The following RAD51B variants were observed in gnomAD, a reference collection of about 807,000 sequenced individuals.
The protein encoded by RAD51B is RAD51 paralog B, also known as DNA repair protein RAD51 homolog 2.
A neutral mutation model predicts 42.2 loss-of-function variants in RAD51B; 38 were observed. The observed-to-expected ratio is 0.90, with a 90% CI of 0.70 to 1.18. The LOEUF (loss-of-function observed/expected upper bound fraction) is 1.18, where lower values mean the gene tolerates loss of function less well. RAD51B is among the 50% of genes most tolerant of loss of function. RAD51B has a pLI of 0.00. For synonymous variants in RAD51B, 154 were observed against 145.2 expected (o/e 1.06, Z -0.43); for missense variants, 373 against 400.7 (o/e 0.93, Z 0.59).
At chr14:68,259,694 G>A (rs1335414992) in intron 7 of RAD51B, among the ~76,000 whole-genome samples, 2 of 152,124 alleles carry the variant, frequency 1.3e-5, no homozygotes, top group African/African-American at 4.8e-5. Flanking sequence ...CAGATTAAGG[G>A]TCAGCACAGA....
At position 68,415,014 on chromosome 14, in the gene RAD51B, A is replaced by C. The variant is rs951030900; in HGVS notation, c.957+3487A>C. 5.7e-4 allele frequency among the ~76,000 whole-genome samples: 77 copies of C among 135,672 alleles called. 1 individual carries two copies. Among genetic ancestry groups the C allele is most frequent in the African/African-American group, 2.1e-3 (76 of 35,948 alleles). 89.0% of individuals were successfully genotyped at this position (135,672 alleles called of 152,430 possible). On this transcript the variant is annotated intron_variant, in intron 9 of 10. Transcript: ENST00000471583. ...GCCACTGCACTCAAGCCTGGGTGAC[A>C]GAGCAAGACTCTGTCTCAAAAAAAA...
intron 7 of RAD51B, among the ~76,000 whole-genome samples, chr14:67,893,017 G>T (rs530318909): frequency 6.6e-6 from 1 of 152,262 alleles, no homozygotes; most frequent in African/African-American, 2.4e-5. Flanking sequence ...GAATATAACA[G>T]CTTTTGAGTC....
intron 9 of RAD51B, among the ~76,000 whole-genome samples, chr14:68,435,411 T>C (rs542978094): frequency 2.6e-5 from 4 of 152,296 alleles, no homozygotes; most frequent in African/African-American, 7.2e-5. Context: ...CAGTCCACCA[T>C]TGATGGGCAC....
At chr14:68,212,559 C>T (rs2079733358) in intron 7 of RAD51B, among the ~76,000 whole-genome samples, 1 of 152,180 alleles carries the variant, frequency 6.6e-6, no homozygotes, top group Admixed American at 6.5e-5. Context: ...ATTGGAACCA[C>T]AGCACTGGGT....
At chr14:67,847,700 CAT>C (rs762331598) in intron 4 of RAD51B, among the ~76,000 whole-genome samples, 9 of 152,280 alleles carry the variant, frequency 5.9e-5, no homozygotes, top group South Asian at 2.1e-4. Context: ...TATGACCAAA[CAT>C]GTGGTTGCTC....
chr14:67,984,720 C>T (rs967409458), intron 7 of RAD51B, among the ~76,000 whole-genome samples: 1 of 152,258 alleles, frequency 6.6e-6, no homozygotes, highest in East Asian at 1.9e-4. Context: ...TTGTAAATGC[C>T]TCTTTTGTGC....
chr14:68,646,034 T>C (rs946890206), intron 10 of RAD51B, among the ~76,000 whole-genome samples: 1 of 151,842 alleles, frequency 6.6e-6, no homozygotes, highest in Non-Finnish European at 1.5e-5. Context: ...GTATTCATCA[T>C]ATACCTGAAA....
At chr14:67,855,683 G>T (rs1437471328) in intron 4 of RAD51B, among the ~76,000 whole-genome samples, 1 of 152,218 alleles carries the variant, frequency 6.6e-6, no homozygotes, top group African/African-American at 2.4e-5. Flanking sequence ...GTAAGACATA[G>T]ATATTTATTA....
At chr14:67,896,080 C>T (rs926889705) in intron 7 of RAD51B, among the ~76,000 whole-genome samples, 1 of 152,034 alleles carries the variant, frequency 6.6e-6, no homozygotes, top group Non-Finnish European at 1.5e-5. Flanking sequence ...TATAAAGCCC[C>T]CTGAAAACAG....
At chr14:68,515,471 T>C (rs987119428) in intron 10 of RAD51B, among the ~76,000 whole-genome samples, 8 of 140,786 alleles carry the variant, frequency 5.7e-5, no homozygotes, top group African/African-American at 2.1e-4. Flanking sequence ...TTTAGAGAGA[T>C]AGGGTCTCCC....
chr14:68,284,719 A>G (rs1001440322), intron 7 of RAD51B, among the ~76,000 whole-genome samples: 1 of 151,042 alleles, frequency 6.6e-6, no homozygotes, highest in Non-Finnish European at 1.5e-5. Flanking sequence ...GACAGTTGAT[A>G]TTTTCTGAGC....
chr14:67,975,287 C>T (rs1290103720), intron 7 of RAD51B, among the ~76,000 whole-genome samples: 2 of 152,172 alleles, frequency 1.3e-5, no homozygotes, highest in South Asian at 2.1e-4. Flanking sequence ...CCAATCCTTA[C>T]CCCCATGCTG....
chr14:68,646,064 C>CT (rs146646503), intron 10 of RAD51B, among the ~76,000 whole-genome samples: 32,458 of 148,670 alleles, frequency 0.22, 3,660 homozygotes, highest in Middle Eastern at 0.27. Context: ...TGCTAGGCAT[C>CT]TTTTTTTTTT....
intron 7 of RAD51B, among the ~76,000 whole-genome samples, chr14:67,987,065 TAGTC>T (rs1305999153): frequency 6.6e-5 from 10 of 152,076 alleles, no homozygotes; most frequent in African/African-American, 2.4e-4. Context: ...TGTGGGTACA[TAGTC>T]AGTGTATATA....
chr14:68,446,255 G>A (rs1206053461), intron 9 of RAD51B, among the ~76,000 whole-genome samples: 2 of 152,166 alleles, frequency 1.3e-5, no homozygotes, highest in Non-Finnish European at 2.9e-5. Context: ...AGATTATGAA[G>A]TGCTCTGAAG....
At chr14:68,337,776 T>C (rs1566817517) in intron 8 of RAD51B, among the ~76,000 whole-genome samples, 1 of 152,136 alleles carries the variant, frequency 6.6e-6, no homozygotes, top group Non-Finnish European at 1.5e-5. Context: ...TTTATTTGTT[T>C]TGTTTTGTTT....
intron 7 of RAD51B, among the ~76,000 whole-genome samples, chr14:67,893,509 C>CAAAAAAA (rs71129863): frequency 3.6e-5 from 3 of 83,768 alleles, no homozygotes; most frequent in African/African-American, 1.4e-4. Context: ...CACACACACA[C>CAAAAAAA]AAAAAAAAAC....
Position 68,004,613 on chromosome 14 carries a change from G to A in RAD51B, c.756+117409G>A, listed in dbSNP as rs2140317560. Among the ~76,000 whole-genome samples, 4 of 152,206 alleles carry A rather than the reference G, an allele frequency of 2.6e-5. No individual in the cohort carries two copies. The South Asian group carries it at 8.3e-4, about 32-fold the overall frequency. ...AATAATTTATAAATTGAAATATAAT[G>A]TATTTATGGGAAAATTGCACAAATG... On this transcript the variant is annotated intron_variant, in intron 7 of 10. Coordinates refer to ENST00000471583, the MANE Select transcript of RAD51B (RefSeq NM_133510.4).
chr14:68,272,360 C>A (rs1595637915), intron 7 of RAD51B, among the ~76,000 whole-genome samples: 1 of 152,060 alleles, frequency 6.6e-6, no homozygotes, highest in Admixed American at 6.5e-5. Context: ...AGAACCACAC[C>A]CACTAAGTGG....
Sources: gnomAD v4.1 joint callset for allele counts (sites outside exome capture counted in the v4.1 genomes callset) on GRCh38, gnomAD v4.1.1 for gene constraint, MANE v1.5 for transcripts, NCBI Gene and HGNC (gene_info 2026-07-23, HGNC 2026-07-21) for gene names.